TBC1D32: variants seen among roughly 807,000 people sequenced by gnomAD.
The protein encoded by TBC1D32 is TBC1 domain family member 32.
TBC1D32 carries 151 observed loss-of-function variants against 170.3 expected under a neutral mutation model. That is an observed-to-expected ratio of 0.89 (90% CI 0.78 to 1.01). The LOEUF (loss-of-function observed/expected upper bound fraction) is 1.01. Among genes scored for constraint, TBC1D32 ranks in the 50% least tolerant of loss-of-function variants. The probability of loss-of-function intolerance (pLI) is 0.00; values close to 1 mark genes in which losing one functional copy is unlikely to be tolerated. For synonymous variants in TBC1D32, 498 were observed against 488.0 expected (o/e 1.02, Z -0.27); for missense variants, 1,464 against 1,457.1 (o/e 1.00, Z -0.08).
chr6:121,304,433 A>G lies in TBC1D32; in HGVS notation c.874-7T>C, dbSNP rs1219089182. 1 of 1,613,060 alleles carries G rather than the reference A, an allele frequency of 6.2e-7. No homozygotes were observed. The highest frequency in any genetic ancestry group is 1.7e-5 in the Admixed American group (1 of 59,862). ...ATTCATTTAGAAGACGAACCTACAA[A>G]GCAGTGCACAATAGTTCTCAAAAAA... On this transcript the variant is annotated splice_region_variant and splice_polypyrimidine_tract_variant and intron_variant, in intron 7 of 31. Coordinates refer to ENST00000398212, the MANE Select transcript of TBC1D32 (RefSeq NM_152730.6).
intron 22 of TBC1D32, among the ~76,000 whole-genome samples, chr6:121,177,035 T>G (rs1352304009): frequency 6.6e-6 from 1 of 152,232 alleles, no homozygotes; most frequent in Non-Finnish European, 1.5e-5. Context: ...TATGTCATTT[T>G]TTTTTTACTG....
chr6:121,121,248 TCATGTGGA>T (rs1780232346), intron 26 of TBC1D32, among the ~76,000 whole-genome samples: 1 of 151,998 alleles, frequency 6.6e-6, no homozygotes. Flanking sequence ...TCGGGCATTA[TCATGTGGA>T]TGTCATGGAG....
chr6:121,095,181 G>C (rs986420976), intron 30 of TBC1D32, among the ~76,000 whole-genome samples: 1 of 152,044 alleles, frequency 6.6e-6, no homozygotes, highest in African/African-American at 2.4e-5. Flanking sequence ...AGCTTTTTAG[G>C]TTTGTAAGGA....
At chr6:121,161,411 T>A (rs1248054996) in intron 22 of TBC1D32, among the ~76,000 whole-genome samples, 1 of 152,136 alleles carries the variant, frequency 6.6e-6, no homozygotes, top group Non-Finnish European at 1.5e-5. Flanking sequence ...GTCCATATGT[T>A]CTCATCATTC....
chr6:121,333,597 G>A (rs1045784778), intron 1 of TBC1D32, among the ~76,000 whole-genome samples: 1 of 152,138 alleles, frequency 6.6e-6, no homozygotes, highest in Non-Finnish European at 1.5e-5. Flanking sequence ...TATTTTCAAG[G>A]AACAAAGATC....
chr6:121,114,358 A>G (rs1357317022), intron 27 of TBC1D32, among the ~76,000 whole-genome samples: 1 of 152,208 alleles, frequency 6.6e-6, no homozygotes, highest in African/African-American at 2.4e-5. Flanking sequence ...TACAAATAAG[A>G]TATTATATTG....
Position 121,332,838 on chromosome 6 carries a change from T to C in TBC1D32, c.155+1438A>G, listed in dbSNP as rs1402661079. ...AATAACGTTATCATCTAATAACAGGTATTAGTAGTGAATTTAATGAGAAAA... is the reference window on the plus strand; with the variant it reads ...AATAACGTTATCATCTAATAACAGGCATTAGTAGTGAATTTAATGAGAAAA... On this transcript the variant is annotated intron_variant, in intron 1 of 31. Transcript: ENST00000398212. Among the ~76,000 whole-genome samples the C allele has an allele frequency of 2.6e-5, 4 of 152,252 alleles. No homozygotes were observed. The South Asian group carries it at 8.3e-4, about 32-fold the overall frequency.
At chr6:121,090,542 A>G (rs1279331192) in intron 31 of TBC1D32, among the ~76,000 whole-genome samples, 1 of 152,178 alleles carries the variant, frequency 6.6e-6, no homozygotes, top group Non-Finnish European at 1.5e-5. Context: ...AAACCAATAA[A>G]TTAAACTTTT....
rs758477548 is a variant in TBC1D32 at position 121,080,773 on chromosome 6, A to G, written c.3772T>C (p.Ter1258GlnextTer7). The G allele has an allele frequency of 1.2e-5, 20 of 1,610,962 alleles. No homozygotes were observed. In the East Asian group the frequency reaches 4.2e-4, roughly 34 times the overall value. The change falls in exon 32 of 32, where the codon TAG becomes CAG. Residue 1258 changes from the stop codon to glutamine, a stop_lost. Transcript: ENST00000398212. ...DMRNIRLQST[*>Q] ...ATTTAAACCGTGTGTCTCATGATCT[A>G]TGTGCTCTGCAGTCTAATGTTCCGC... is the stretch of plus-strand genomic sequence containing the variant.
At chr6:121,135,522 T>G (rs1397566032) in intron 24 of TBC1D32, among the ~76,000 whole-genome samples, 1 of 152,158 alleles carries the variant, frequency 6.6e-6, no homozygotes, top group South Asian at 2.1e-4. Flanking sequence ...TCCACTTTCT[T>G]CCTGGAGGTT....
At chr6:121,188,822 A>G (rs1583139977) in intron 22 of TBC1D32, among the ~76,000 whole-genome samples, 2 of 152,158 alleles carry the variant, frequency 1.3e-5, no homozygotes, top group East Asian at 3.8e-4. Flanking sequence ...ACAGACCATG[A>G]ACTATTATCT....
intron 24 of TBC1D32, among the ~76,000 whole-genome samples, chr6:121,133,526 T>C (rs1781675549): frequency 6.6e-6 from 1 of 151,974 alleles, no homozygotes; most frequent in Admixed American, 6.6e-5. Context: ...GATGTAAAAT[T>C]TCAGTGTTAT....
At chr6:121,208,117 A>T (rs1305713707) in intron 21 of TBC1D32, among the ~76,000 whole-genome samples, 1 of 152,080 alleles carries the variant, frequency 6.6e-6, no homozygotes, top group Admixed American at 6.6e-5. Flanking sequence ...CCAAAAAAAA[A>T]AAAAGATATG....
chr6:121,134,635 C>T (rs538366673), intron 24 of TBC1D32, among the ~76,000 whole-genome samples: 1 of 152,134 alleles, frequency 6.6e-6, no homozygotes, highest in South Asian at 2.1e-4. Context: ...CCCCCAGCCA[C>T]CATTGAGAGT....
At chr6:121,109,519 T>G (rs888933389) in intron 29 of TBC1D32, among the ~76,000 whole-genome samples, 3 of 152,156 alleles carry the variant, frequency 2.0e-5, no homozygotes, top group Non-Finnish European at 4.4e-5. Flanking sequence ...ATTTCTACTA[T>G]GAAAATAATT....
At chr6:121,162,307 A>C (rs776661041) in intron 22 of TBC1D32, among the ~76,000 whole-genome samples, 1 of 152,160 alleles carries the variant, frequency 6.6e-6, no homozygotes, top group Non-Finnish European at 1.5e-5. Flanking sequence ...GATTTTCTCC[A>C]AGGGTTTTTA....
chr6:121,332,978 C>T (rs374954238), intron 1 of TBC1D32, among the ~76,000 whole-genome samples: 1 of 152,088 alleles, frequency 6.6e-6, no homozygotes, highest in Non-Finnish European at 1.5e-5. Context: ...CTTTTTAAAA[C>T]TCAATTGAGA....
intron 10 of TBC1D32, 50 bp downstream of exon 10, chr6:121,299,396 A>G (rs1465083100): frequency 6.9e-7 from 1 of 1,442,454 alleles, no homozygotes; most frequent in Non-Finnish European, 9.4e-7. Flanking sequence ...TACATCATAT[A>G]TATTCTGGTG....
intron 15 of TBC1D32, among the ~76,000 whole-genome samples, chr6:121,269,014 G>C (rs1253749064): frequency 1.3e-5 from 2 of 152,124 alleles, no homozygotes; most frequent in Admixed American, 1.3e-4. Context: ...GCCAAACTAA[G>C]CTTCAAAAGT....
Sources: allele counts gnomAD v4.1 joint callset (sites outside exome capture counted in the v4.1 genomes callset), GRCh38; gene constraint gnomAD v4.1.1; transcripts MANE v1.5; gene names NCBI Gene and HGNC (gene_info 2026-07-23, HGNC 2026-07-21).